The following ENAH variants were observed in gnomAD, a reference collection of about 807,000 sequenced individuals.
ENAH encodes protein enabled homolog.
Under a neutral mutation model 78.7 loss-of-function variants are expected in ENAH, and 23 were observed. The observed-to-expected ratio is 0.29, with a 90% CI of 0.21 to 0.41. The LOEUF (loss-of-function observed/expected upper bound fraction) is 0.41, where lower values mean the gene tolerates loss of function less well. Among genes scored for constraint, ENAH ranks in the 10% least tolerant of loss-of-function variants. The probability of loss-of-function intolerance (pLI) is 1.00; values close to 1 mark genes in which losing one functional copy is unlikely to be tolerated. For missense variants in ENAH, 544 were observed against 691.0 expected (o/e 0.79, Z 2.39); for synonymous variants, 226 against 241.0 (o/e 0.94, Z 0.58).
At chr1:225,547,807 T>C (rs2096621989) in intron 3 of ENAH, among the ~76,000 whole-genome samples, 1 of 152,112 alleles carries the variant, frequency 6.6e-6, no homozygotes, top group Non-Finnish European at 1.5e-5. Context: ...CCCCTCATCT[T>C]CCCATGCCTA....
At chr1:225,520,060 G>A (rs1038003163) in intron 4 of ENAH, among the ~76,000 whole-genome samples, 2 of 152,130 alleles carry the variant, frequency 1.3e-5, no homozygotes, top group Admixed American at 1.3e-4. Context: ...TTGGGAGGCC[G>A]AGGCAGGTGC....
chr1:225,532,937 GTTCT>G (rs1214726929), intron 3 of ENAH, among the ~76,000 whole-genome samples: 1 of 151,964 alleles, frequency 6.6e-6, no homozygotes, highest in Non-Finnish European at 1.5e-5. Flanking sequence ...TTTCTACATG[GTTCT>G]TTGTGATGAT....
intron 3 of ENAH, among the ~76,000 whole-genome samples, chr1:225,539,120 T>G (rs971491299): frequency 2.6e-5 from 4 of 152,200 alleles, no homozygotes; most frequent in Non-Finnish European, 5.9e-5. Flanking sequence ...CTCTTATCTG[T>G]TCAGTTACAC....
At position 225,488,168 on chromosome 1, in the gene ENAH, TTTATTTATTTA is replaced by T. The variant is rs1476869517; in HGVS notation, c.*9596_*9606del. On this transcript the variant is annotated 3_prime_UTR_variant, in exon 14 of 14. Transcript: ENST00000366843. ...TAGTCAAGGACAAGGTTTTTATTTA[TTTATTTATTTA>T]TTATTTATTTATTTATTTTTTAAGG... 4.0e-5 allele frequency: 6 copies of T among 150,836 alleles called. No homozygotes were observed. In the South Asian group the frequency reaches 6.3e-4, roughly 16 times the overall value. 9.3% of individuals were successfully genotyped at this position (150,836 alleles called of 1,614,324 possible).
intron 5 of ENAH, chr1:225,517,884 T>C: frequency 6.4e-7 from 1 of 1,551,310 alleles, no homozygotes. Context: ...CATCTGACAC[T>C]GGAGCTGAGA....
chr1:225,545,645 G>T (rs747032325), intron 3 of ENAH, among the ~76,000 whole-genome samples: 1 of 152,128 alleles, frequency 6.6e-6, no homozygotes, highest in Admixed American at 6.5e-5. Flanking sequence ...CAGACAGCTA[G>T]ATTATTTCAA....
chr1:225,642,774 C>G (rs1048515000), intron 1 of ENAH, among the ~76,000 whole-genome samples: 2 of 152,156 alleles, frequency 1.3e-5, no homozygotes, highest in East Asian at 3.9e-4. Context: ...AACTACACAT[C>G]TCATTGGGAA....
chr1:225,618,976 C>A (rs1656310291), intron 1 of ENAH, among the ~76,000 whole-genome samples: 1 of 152,174 alleles, frequency 6.6e-6, no homozygotes, highest in Non-Finnish European at 1.5e-5. Flanking sequence ...AGGACCCCTA[C>A]AATGGCTTAC....
chr1:225,597,724 A>G (rs756666917), intron 1 of ENAH, among the ~76,000 whole-genome samples: 25 of 151,836 alleles, frequency 1.6e-4, no homozygotes, highest in Non-Finnish European at 2.6e-4. Flanking sequence ...ATGTGAATTG[A>G]ATCCTGGGCC....
In ENAH at chr1:225,561,600, G is replaced by A. The variant is rs1368416504; in HGVS notation, c.171+5649C>T. Among the ~76,000 whole-genome samples the A allele has an allele frequency of 9.8e-5, 6 of 61,418 alleles. No individual in the cohort carries two copies. In the South Asian group the frequency reaches 1.4e-3, roughly 14 times the overall value. The allele number at this position is 61,418 out of a possible 152,430, so 40.3% of individuals were successfully genotyped here. A position where few individuals can be genotyped will look rare whatever the true frequency, so the allele number is the denominator to read the frequency against. On this transcript the variant is annotated intron_variant, in intron 2 of 13. Transcript: ENST00000366843. ...TGGCGCCACTGCACTCCAGCCTGGC[G>A]ACAGAGTGAGATTCCGTCTTAAAAT...
intron 2 of ENAH, among the ~76,000 whole-genome samples, chr1:225,561,416 G>A (rs961729655): frequency 6.6e-6 from 1 of 151,592 alleles, no homozygotes; most frequent in Non-Finnish European, 1.5e-5. Context: ...GAGGTCAGGA[G>A]ATCGAAACCA....
At chr1:225,561,660 T>TAAAATAAAATAAAA (rs61081018) in intron 2 of ENAH, among the ~76,000 whole-genome samples, 12 of 151,626 alleles carry the variant, frequency 7.9e-5, no homozygotes, top group South Asian at 2.1e-4. Context: ...TAAAATAAAA[T>TAAAATAAAATAAAA]TAGTATGTTC....
At chr1:225,648,010 G>C (rs1662287410) in intron 1 of ENAH, among the ~76,000 whole-genome samples, 1 of 152,170 alleles carries the variant, frequency 6.6e-6, no homozygotes. Context: ...TGGGGGACAA[G>C]GGGGTTGGGG....
At chr1:225,531,494 G>C (rs1030425140) in intron 3 of ENAH, among the ~76,000 whole-genome samples, 3 of 152,034 alleles carry the variant, frequency 2.0e-5, no homozygotes, top group African/African-American at 7.2e-5. Context: ...ATAATACCTA[G>C]GGTTAAAATA....
chr1:225,646,539 C>G (rs1055679357), intron 1 of ENAH, among the ~76,000 whole-genome samples: 1 of 152,104 alleles, frequency 6.6e-6, no homozygotes, highest in Non-Finnish European at 1.5e-5. Flanking sequence ...ATGTCTAGGC[C>G]GGGCGCTGTG....
chr1:225,640,208 T>C (rs1039469045), intron 1 of ENAH, among the ~76,000 whole-genome samples: 3 of 152,144 alleles, frequency 2.0e-5, no homozygotes, highest in Admixed American at 6.5e-5. Flanking sequence ...CTCAGAAAAA[T>C]TATGTAAAAT....
intron 3 of ENAH, among the ~76,000 whole-genome samples, chr1:225,552,134 C>CTTTTTTTTT (rs397983036): frequency 1.0e-4 from 12 of 115,966 alleles, no homozygotes; most frequent in East Asian, 2.5e-4. Flanking sequence ...ACTCCTGATT[C>CTTTTTTTTT]TTTTTTTTTT....
chr1:225,646,428 GAGA>G (rs1334198605), intron 1 of ENAH, among the ~76,000 whole-genome samples: 2 of 152,064 alleles, frequency 1.3e-5, no homozygotes, highest in African/African-American at 4.8e-5. Context: ...AGGACACAGA[GAGA>G]AGGATATCTT....
intron 13 of ENAH, 100 bp downstream of exon 13, chr1:225,498,247 C>T (rs1425877600): frequency 1.0e-6 from 1 of 959,634 alleles, no homozygotes; most frequent in African/African-American, 1.7e-5. Flanking sequence ...AGTCATTGCC[C>T]TCAACTAATC....
Sources: allele counts gnomAD v4.1 joint callset (sites outside exome capture counted in the v4.1 genomes callset), GRCh38; gene constraint gnomAD v4.1.1; transcripts MANE v1.5; gene names NCBI Gene and HGNC (gene_info 2026-07-23, HGNC 2026-07-21).